UBR4: variants seen among roughly 807,000 people sequenced by gnomAD.
UBR4 encodes the protein ubiquitin protein ligase E3 component n-recognin 4, also known as E3 ubiquitin-protein ligase UBR4.
Under a neutral mutation model 575.6 loss-of-function variants are expected in UBR4, and 124 were observed. The observed-to-expected ratio is 0.22, with a 90% CI of 0.19 to 0.25. The LOEUF (loss-of-function observed/expected upper bound fraction) is 0.25, where lower values mean the gene tolerates loss of function less well. UBR4 is among the 10% of genes least tolerant of loss of function. The pLI, the probability that UBR4 is intolerant of heterozygous loss-of-function variation, is 1.00. For synonymous variants in UBR4, 2,455 were observed against 2,473.7 expected, an observed-to-expected ratio of 0.99 and a Z score of 0.22; for missense variants, 4,818 against 6,478.8, an observed-to-expected ratio of 0.74 and a Z score of 8.80.
At chr1:19,206,578 C>T (rs376159020) in intron 1 of UBR4, among the ~76,000 whole-genome samples, 3 of 152,230 alleles carry the variant, frequency 2.0e-5, no homozygotes, top group African/African-American at 2.4e-5. Context: ...TCAGGTGATC[C>T]GCCTGCCTTG....
At position 19,117,132 on chromosome 1, in the gene UBR4, C is replaced by A; in HGVS notation, c.10823+89G>T. On this transcript the variant is annotated intron_variant, in intron 73 of 105. Coordinates refer to ENST00000375254, the MANE Select transcript of UBR4 (RefSeq NM_020765.3). The surrounding 1 kb of genome is among the most constrained non-coding windows in gnomAD (Gnocchi z 4.0). ...GATGTATTAGGCCTCTAGGGATGTG[C>A]TGCCTTACTCCATTCCAGGAACCGA... 6.8e-7 allele frequency: 1 copy of A among 1,463,506 alleles called. No individual in the cohort carries two copies. Among genetic ancestry groups the A allele is most frequent in the Non-Finnish European group, 9.4e-7 (1 of 1,063,682 alleles). The allele number at this position is 1,463,506 out of a possible 1,614,324, so 90.7% of individuals were successfully genotyped here. A position where few individuals can be genotyped will look rare whatever the true frequency, so the allele number is the denominator to read the frequency against.
intron 64 of UBR4, among the ~76,000 whole-genome samples, chr1:19,126,066 G>A (rs2081732518): frequency 6.6e-6 from 1 of 152,170 alleles, no homozygotes; most frequent in South Asian, 2.1e-4. Flanking sequence ...AATCTGATCA[G>A]AAGGCCCATC....
At chr1:19,170,325 G>A (rs947148786) in intron 26 of UBR4, among the ~76,000 whole-genome samples, 2 of 152,218 alleles carry the variant, frequency 1.3e-5, no homozygotes, top group African/African-American at 4.8e-5. Flanking sequence ...CTTCAACACA[G>A]GAGATGAAGG....
intron 66 of UBR4, 46 bp from the exon 67 acceptor site, chr1:19,122,058 G>A (rs2081239250): frequency 6.3e-7 from 1 of 1,591,892 alleles, no homozygotes; most frequent in African/African-American, 1.3e-5. Context: ...CCACCACATT[G>A]CCCAGACAAG....
In UBR4 at chr1:19,148,772, C is replaced by A. The variant is rs537388263; in HGVS notation, c.7431-146G>T. On this transcript the variant is annotated intron_variant, in intron 49 of 105. Transcript: ENST00000375254. ...AAAGCACAATAAGACCTGCCACAGGCACCATGCATATCGTTTCCTACGTTA... is the reference window on the plus strand; with the variant it reads ...AAAGCACAATAAGACCTGCCACAGGAACCATGCATATCGTTTCCTACGTTA... 7.4e-6 allele frequency: 6 copies of A among 810,558 alleles called. No homozygotes were observed. The Admixed American group carries it at 7.4e-5, about 10-fold the overall frequency. 50.2% of individuals were successfully genotyped at this position (810,558 alleles called of 1,614,324 possible). A position where few individuals can be genotyped will look rare whatever the true frequency, so the allele number is the denominator to read the frequency against.
intron 25 of UBR4, among the ~76,000 whole-genome samples, chr1:19,171,884 A>T (rs1571416935): frequency 2.0e-5 from 3 of 152,196 alleles, no homozygotes; most frequent in African/African-American, 7.2e-5. Flanking sequence ...GAACACTGAG[A>T]TCCTACAGGG....
rs1216049671 is a variant in UBR4 at position 19,199,822 on chromosome 1, A to C, written c.275-68T>G. On this transcript the variant is annotated intron_variant, in intron 2 of 105. Coordinates refer to ENST00000375254, the MANE Select transcript of UBR4 (RefSeq NM_020765.3). ...GTTGGTCAATAAATTAAGCAAAGTA[A>C]GTATTGAGCTCTATGTCCAACATTC... The C allele has an allele frequency of 2.9e-6, 4 of 1,401,588 alleles. No individual in the cohort carries two copies. In the African/African-American group the frequency reaches 5.7e-5, roughly 20 times the overall value. The allele number at this position is 1,401,588 out of a possible 1,614,324, so 86.8% of individuals were successfully genotyped here.
chr1:19,153,956 T>C lies in UBR4; in HGVS notation c.6459-17A>G. On this transcript the variant is annotated splice_polypyrimidine_tract_variant and intron_variant, in intron 44 of 105. Coordinates refer to ENST00000375254, the MANE Select transcript of UBR4 (RefSeq NM_020765.3). The surrounding 1 kb of genome is among the most constrained non-coding windows in gnomAD (Gnocchi z 4.1). ...CCATTGGAACTGCAGACAACAAAAC[T>C]GGCCACAGTTAGAGTGTCAGTCACC... is the stretch of plus-strand genomic sequence containing the variant. 6.2e-7 allele frequency: 1 copy of C among 1,610,296 alleles called. No individual in the cohort carries two copies. Among genetic ancestry groups the C allele is most frequent in the Non-Finnish European group, 8.5e-7 (1 of 1,178,420 alleles).
In UBR4 at chr1:19,104,458, G is replaced by A. The variant is rs1042767487; in HGVS notation, c.12727+127C>T. 4 of 1,211,590 alleles carry A rather than the reference G, an allele frequency of 3.3e-6. No homozygotes were observed. The African/African-American group carries it at 6.1e-5, about 19-fold the overall frequency. The allele number at this position is 1,211,590 out of a possible 1,614,324, so 75.1% of individuals were successfully genotyped here. The stretch of plus-strand genomic sequence containing the variant: ...AAACGTATCAATACAGAAAAAAAAT[G>A]CAGAGCTTAAATCTGCACTAAGGTC... On this transcript the variant is annotated intron_variant, in intron 86 of 105. Transcript: ENST00000375254.
chr1:19,168,977 C>A (rs1286557535), intron 27 of UBR4, among the ~76,000 whole-genome samples: 491 of 116,688 alleles, frequency 4.2e-3, no homozygotes, highest in Middle Eastern at 5.6e-3. Context: ...GACTCCGTCT[C>A]AAAAAAAAAA....
chr1:19,208,311 C>T (rs1187838791), intron 1 of UBR4, among the ~76,000 whole-genome samples: 1 of 151,912 alleles, frequency 6.6e-6, no homozygotes, highest in Non-Finnish European at 1.5e-5. Context: ...ACTTAAAATA[C>T]AAAAAGTTAG....
chr1:19,188,310 T>C (rs1339630425), intron 11 of UBR4, among the ~76,000 whole-genome samples: 5 of 152,150 alleles, frequency 3.3e-5, no homozygotes, highest in Non-Finnish European at 4.4e-5. Context: ...TCCCAGCACT[T>C]GGGGAGGCCA....
rs376567984 is a variant in UBR4 at position 19,139,265 on chromosome 1, C to A, written c.8594-45G>T. 1 of 1,532,224 alleles carries A rather than the reference C, an allele frequency of 6.5e-7. No individual in the cohort carries two copies. The highest frequency in any genetic ancestry group is 2.3e-5 in the East Asian group (1 of 42,850). 94.9% of individuals were successfully genotyped at this position (1,532,224 alleles called of 1,614,324 possible). On this transcript the variant is annotated intron_variant, in intron 58 of 105. Transcript: ENST00000375254. The surrounding 1 kb of genome is among the most constrained non-coding windows in gnomAD (Gnocchi z 4.2). Reference sequence around the variant, plus strand: ...TGTTACAGGTTAAAAAACAAACAAACAAACAAACAAACAAAAAACAAAAAA... The same window carrying A: ...TGTTACAGGTTAAAAAACAAACAAAAAAACAAACAAACAAAAAACAAAAAA...
At chr1:19,081,681 A>G (rs1199248596) in intron 102 of UBR4, 108 bp from the exon 103 acceptor site, 3 of 1,245,204 alleles carry the variant, frequency 2.4e-6, no homozygotes, top group Non-Finnish European at 3.5e-6. Context: ...CATTTGCTGA[A>G]CGCTTGGATG....
At chr1:19,130,854 G>A (rs1319662673) in intron 60 of UBR4, among the ~76,000 whole-genome samples, 1 of 152,132 alleles carries the variant, frequency 6.6e-6, no homozygotes, top group Non-Finnish European at 1.5e-5. Flanking sequence ...AATGAGCAGA[G>A]TCTAGACTTG....
intron 26 of UBR4, among the ~76,000 whole-genome samples, chr1:19,170,392 C>A (rs1448070561): frequency 6.6e-6 from 1 of 152,166 alleles, no homozygotes; most frequent in African/African-American, 2.4e-5. Flanking sequence ...GGGCAAGACC[C>A]TGCCAAGAGA....
At chr1:19,171,717 T>C (rs1394630671) in intron 25 of UBR4, among the ~76,000 whole-genome samples, 1 of 152,056 alleles carries the variant, frequency 6.6e-6, no homozygotes, top group African/African-American at 2.4e-5. Flanking sequence ...GGCATGGTGG[T>C]ATGCACCTGT....
At chr1:19,118,418 CTTTTTT>C (rs35059878) in intron 71 of UBR4, 3 of 130,228 alleles carry the variant, frequency 2.3e-5, no homozygotes, top group Non-Finnish European at 3.2e-5. Context: ...AACTAAAGAC[CTTTTTT>C]TTTTTTTTTT....
At chr1:19,101,467 C>T in intron 88 of UBR4, 53 bp downstream of exon 88, 3 of 1,554,170 alleles carry the variant, frequency 1.9e-6, no homozygotes, top group African/African-American at 2.7e-5. Context: ...GGCTTCATGG[C>T]AAAGTGGGCT....
Sources: allele counts gnomAD v4.1 joint callset (sites outside exome capture counted in the v4.1 genomes callset), GRCh38; gene constraint gnomAD v4.1.1; non-coding constraint Gnocchi (gnomAD v3.1); transcripts MANE v1.5; gene names NCBI Gene and HGNC (gene_info 2026-07-23, HGNC 2026-07-21).